Variants in HMCN1 observed in about 807,000 individuals in gnomAD.
HMCN1 encodes the protein hemicentin 1.
In HMCN1, 321 loss-of-function variants were observed where a neutral mutation model predicts 625.9. That is an observed-to-expected ratio of 0.51 (90% CI 0.47 to 0.56). The LOEUF (loss-of-function observed/expected upper bound fraction) is 0.56. HMCN1 is among the 20% of genes least tolerant of loss of function. The probability of loss-of-function intolerance (pLI) is 0.00; values close to 1 mark genes in which losing one functional copy is unlikely to be tolerated. For missense variants in HMCN1, 6,588 were observed against 6,887.3 expected (o/e 0.96, Z 1.54); for synonymous variants, 2,425 against 2,417.6 (o/e 1.00, Z -0.09).
In HMCN1 at chr1:186,057,252, G is replaced by A. The variant is rs550906893; in HGVS notation, c.7163G>A (p.Gly2388Glu). The change falls in exon 46 of 107, where the codon GGA (glycine) becomes GAA (glutamate). Residue 2388 changes from glycine to glutamate, a missense_variant. Around this residue, in one of 3 missense-constraint regions of HMCN1, gnomAD observed 4,628 missense variants for 4,853.1 expected, o/e 0.95. Transcript: ENST00000271588. ...LSVHAPPSII[G>E]NHRSPENISV... The stretch of plus-strand genomic sequence containing the variant: ...CTTACAGCTCCTCCAAGCATCATAG[G>A]AAACCACAGGTCACCTGAAAATATT... 75 of 1,611,376 alleles carry A rather than the reference G, an allele frequency of 4.7e-5. No individual in the cohort carries two copies. The South Asian group carries it at 6.7e-4, about 14-fold the overall frequency.
intron 4 of HMCN1, among the ~76,000 whole-genome samples, chr1:185,882,934 G>C (rs879540681): frequency 3.3e-5 from 5 of 152,002 alleles, no homozygotes; most frequent in African/African-American, 7.2e-5. Context: ...TTGTGCCTAC[G>C]TGAATCTATC....
chr1:186,053,956 G>A lies in HMCN1; in HGVS notation c.6832G>A (p.Ala2278Thr). Residue 2278 changes from alanine to threonine, a missense_variant, in exon 44 of 107, where the codon GCA (alanine) becomes ACA (threonine). Physicochemically the swap from Ala to Thr is moderately conservative, Grantham distance 58 (BLOSUM62 0). Around this residue, in one of 3 missense-constraint regions of HMCN1, gnomAD observed 4,628 missense variants for 4,853.1 expected, o/e 0.95. Coordinates refer to ENST00000271588, the MANE Select transcript of HMCN1 (RefSeq NM_031935.3). ...TGTGGCGTCGAATGTTGCTGGGACT[G>A]CAAAGAAAGAATACAATCTGCAAGT... ...SCVASNVAGTAKKEYNLQVYI... is the reference protein window; with the variant it reads ...SCVASNVAGTTKKEYNLQVYI... The A allele has an allele frequency of 6.2e-7, 1 of 1,612,618 alleles. No individual in the cohort carries two copies. The highest frequency in any genetic ancestry group is 2.2e-5 in the East Asian group (1 of 44,758).
At chr1:186,061,738 G>A in intron 46 of HMCN1, 113 bp from the exon 47 acceptor site, 2 of 536,248 alleles carry the variant, frequency 3.7e-6, no homozygotes, top group South Asian at 3.4e-5. Flanking sequence ...TCATTTTAAG[G>A]GCCTCTAAAG....
chr1:185,917,751 C>G (rs777942137), intron 6 of HMCN1, among the ~76,000 whole-genome samples: 5 of 152,170 alleles, frequency 3.3e-5, no homozygotes, highest in Non-Finnish European at 5.9e-5. Flanking sequence ...ATTTAACAGG[C>G]CTTCTTCGCC....
At chr1:185,890,034 C>G (rs1299948198) in intron 4 of HMCN1, among the ~76,000 whole-genome samples, 1 of 151,414 alleles carries the variant, frequency 6.6e-6, no homozygotes, top group Non-Finnish European at 1.5e-5. Context: ...CTGGTTTAGT[C>G]TTGGGAGAGT....
At chr1:185,750,751 C>T (rs1378847925) in intron 1 of HMCN1, among the ~76,000 whole-genome samples, 1 of 151,866 alleles carries the variant, frequency 6.6e-6, no homozygotes, top group East Asian at 1.9e-4. Context: ...TTTCTATGAT[C>T]TTATTTTATG....
intron 1 of HMCN1, among the ~76,000 whole-genome samples, chr1:185,830,477 T>C (rs1323392692): frequency 6.6e-6 from 1 of 152,148 alleles, no homozygotes; most frequent in Admixed American, 6.5e-5. Context: ...GGCTAGGCAG[T>C]TTTCCCAGCA....
chr1:185,786,424 T>C (rs1191592258), intron 1 of HMCN1, among the ~76,000 whole-genome samples: 3 of 152,176 alleles, frequency 2.0e-5, no homozygotes, highest in Admixed American at 2.0e-4. Context: ...AGAAACCTGA[T>C]TTTGTTTTGG....
chr1:186,166,358 C>T, intron 99 of HMCN1, 55 bp downstream of exon 99: 3 of 1,607,008 alleles, frequency 1.9e-6, no homozygotes, highest in Non-Finnish European at 1.7e-6. Context: ...TTTCTTTGAC[C>T]TAGAAAAAGT....
chr1:186,006,977 CTT>C, intron 29 of HMCN1, 149 bp from the exon 30 acceptor site: 1 of 623,228 alleles, frequency 1.6e-6, no homozygotes, highest in Non-Finnish European at 2.8e-6. Flanking sequence ...TGGTTTAAAA[CTT>C]TTATTCTTGG....
intron 1 of HMCN1, among the ~76,000 whole-genome samples, chr1:185,834,183 G>A (rs1401341918): frequency 1.3e-5 from 2 of 152,190 alleles, no homozygotes; most frequent in South Asian, 2.1e-4. Context: ...ATAAGTGAAT[G>A]TAGCTATCTA....
intron 93 of HMCN1, among the ~76,000 whole-genome samples, chr1:186,150,619 A>G (rs975168616): frequency 6.6e-6 from 1 of 152,152 alleles, no homozygotes; most frequent in Non-Finnish European, 1.5e-5. Context: ...GCAGTGGCCT[A>G]GAAGCTGTTT....
intron 4 of HMCN1, among the ~76,000 whole-genome samples, chr1:185,898,760 G>A (rs1461634607): frequency 6.6e-6 from 1 of 151,998 alleles, no homozygotes; most frequent in Admixed American, 6.6e-5. Context: ...AGAACCTAAT[G>A]CCAGTTACTT....
intron 4 of HMCN1, among the ~76,000 whole-genome samples, chr1:185,881,395 T>C (rs970560233): frequency 6.6e-6 from 1 of 152,204 alleles, no homozygotes; most frequent in African/African-American, 2.4e-5. Flanking sequence ...AGTTACACTG[T>C]CAAGCTGTCC....
intron 93 of HMCN1, among the ~76,000 whole-genome samples, chr1:186,146,871 G>A (rs982340482): frequency 6.6e-6 from 1 of 152,172 alleles, no homozygotes; most frequent in Non-Finnish European, 1.5e-5. Flanking sequence ...TCTGGCAGAG[G>A]ATTTCAGAGA....
At chr1:186,172,936 T>A (rs1327603217) in intron 102 of HMCN1, among the ~76,000 whole-genome samples, 1 of 151,806 alleles carries the variant, frequency 6.6e-6, no homozygotes, top group Non-Finnish European at 1.5e-5. Context: ...ATGAAGGAGG[T>A]CATGAAAATG....
intron 1 of HMCN1, among the ~76,000 whole-genome samples, chr1:185,795,129 T>C (rs1658279151): frequency 6.6e-6 from 1 of 152,218 alleles, no homozygotes; most frequent in Non-Finnish European, 1.5e-5. Context: ...AAAGTTGTTC[T>C]ACAACTGAGT....
At chr1:186,110,459 C>T (rs1473578057) in intron 71 of HMCN1, among the ~76,000 whole-genome samples, 1 of 152,034 alleles carries the variant, frequency 6.6e-6, no homozygotes, top group East Asian at 1.9e-4. Context: ...ACAAAGGCCA[C>T]AGAAGGTACA....
rs1287340773 is a variant in HMCN1 at position 186,093,223 on chromosome 1, GAGA to G, written c.9984_9986del (p.Glu3328del). 6.2e-7 allele frequency: 1 copy of G among 1,613,348 alleles called. No homozygotes were observed. The highest frequency in any genetic ancestry group is 8.5e-7 in the Non-Finnish European group (1 of 1,179,576). ...ACATGTGTTGCTACTAATCCCGCTG[GAGA>G]AGAAGACCGAATTTTTAACTTGAAT... On this transcript the variant is annotated inframe_deletion, in exon 65 of 107. Coordinates refer to ENST00000271588, the MANE Select transcript of HMCN1 (RefSeq NM_031935.3).
Sources: gnomAD v4.1 joint callset for allele counts (sites outside exome capture counted in the v4.1 genomes callset) on GRCh38, gnomAD v4.1.1 for gene constraint, gnomAD v4.1.1 regional missense constraint, MANE v1.5 for transcripts, NCBI Gene and HGNC (gene_info 2026-07-23, HGNC 2026-07-21) for gene names.